Variants in DCC observed in about 807,000 individuals in gnomAD.
DCC encodes the protein DCC netrin 1 receptor.
Under a neutral mutation model 172.5 loss-of-function variants are expected in DCC, and 58 were observed. The observed-to-expected ratio is 0.34, with a 90% CI of 0.27 to 0.42. The LOEUF (loss-of-function observed/expected upper bound fraction) is 0.42. DCC is among the 10% of genes least tolerant of loss of function. DCC has a pLI of 1.00. For synonymous variants in DCC, 709 were observed against 644.5 expected (o/e 1.10, Z -1.52); for missense variants, 1,740 against 1,791.0 (o/e 0.97, Z 0.51).
At chr18:53,408,097 C>T (rs1387364236) in intron 19 of DCC, among the ~76,000 whole-genome samples, 1 of 152,110 alleles carries the variant, frequency 6.6e-6, no homozygotes, top group African/African-American at 2.4e-5. Context: ...ATGTACAGAT[C>T]CCACATATCC....
chr18:53,374,983 T>C (rs2058094991), intron 15 of DCC, among the ~76,000 whole-genome samples: 1 of 152,212 alleles, frequency 6.6e-6, no homozygotes, highest in Admixed American at 6.5e-5. Flanking sequence ...TACTCAGTGT[T>C]TATCCTGCAG....
chr18:53,419,851 A>AT (rs1296028930), intron 21 of DCC, among the ~76,000 whole-genome samples: 2 of 151,174 alleles, frequency 1.3e-5, no homozygotes, highest in African/African-American at 4.9e-5. Flanking sequence ...TTCTATTTTT[A>AT]TTTATTTTTT....
chr18:52,783,815 A>G (rs953546394), intron 2 of DCC, among the ~76,000 whole-genome samples: 7 of 151,976 alleles, frequency 4.6e-5, no homozygotes, highest in African/African-American at 1.7e-4. Context: ...TCATAAATTG[A>G]TGCATAATGA....
intron 1 of DCC, among the ~76,000 whole-genome samples, chr18:52,709,644 T>C (rs2145052300): frequency 6.6e-6 from 1 of 152,314 alleles, no homozygotes; most frequent in East Asian, 1.9e-4. Context: ...CTATTTTATT[T>C]TGAAATCTCC....
At chr18:52,567,213 G>C (rs2033180280) in intron 1 of DCC, among the ~76,000 whole-genome samples, 1 of 151,996 alleles carries the variant, frequency 6.6e-6, no homozygotes, top group South Asian at 2.1e-4. Context: ...TATATACCTA[G>C]AAATATTTTA....
chr18:53,042,361 G>A (rs1180237626), intron 5 of DCC, among the ~76,000 whole-genome samples: 1 of 151,986 alleles, frequency 6.6e-6, no homozygotes. Flanking sequence ...AATTCAACTT[G>A]ATCATGGTGG....
intron 1 of DCC, among the ~76,000 whole-genome samples, chr18:52,596,116 G>A (rs2033905619): frequency 6.6e-6 from 1 of 152,108 alleles, no homozygotes; most frequent in African/African-American, 2.4e-5. Context: ...AATCTTTATG[G>A]AATAGATCTG....
chr18:52,984,040 A>C (rs2041253143), intron 5 of DCC, among the ~76,000 whole-genome samples: 1 of 152,124 alleles, frequency 6.6e-6, no homozygotes, highest in South Asian at 2.1e-4. Context: ...CAAATACACA[A>C]ATACTCAAAT....
chr18:52,707,330 A>T (rs72914278), intron 1 of DCC, among the ~76,000 whole-genome samples: 2,288 of 152,280 alleles, frequency 0.015, 32 homozygotes, highest in Non-Finnish European at 0.023. Flanking sequence ...CTTCTTTTTC[A>T]TTATACCTTT....
At chr18:53,241,716 G>A (rs1027295408) in intron 12 of DCC, among the ~76,000 whole-genome samples, 11 of 152,152 alleles carry the variant, frequency 7.2e-5, no homozygotes, top group Admixed American at 1.3e-4. Context: ...CAGCCAGGGC[G>A]AATGAGTCCT....
chr18:53,492,532 A>T (rs1446263822), intron 26 of DCC, among the ~76,000 whole-genome samples: 1 of 152,194 alleles, frequency 6.6e-6, no homozygotes, highest in Non-Finnish European at 1.5e-5. Flanking sequence ...ATGGCTAGCC[A>T]GTTTTCCCAA....
chr18:52,761,166 A>G (rs914350178), intron 2 of DCC, among the ~76,000 whole-genome samples: 1 of 152,186 alleles, frequency 6.6e-6, no homozygotes, highest in African/African-American at 2.4e-5. Flanking sequence ...AGCAAGTCAC[A>G]TCTTACATGG....
chr18:52,910,753 T>C (rs895782519), intron 3 of DCC, among the ~76,000 whole-genome samples: 4 of 152,180 alleles, frequency 2.6e-5, no homozygotes, highest in Non-Finnish European at 4.4e-5. Context: ...CTAATTGAAT[T>C]GATCAATTGG....
At chr18:52,719,342 A>T (rs1473458627) in intron 1 of DCC, among the ~76,000 whole-genome samples, 1 of 152,150 alleles carries the variant, frequency 6.6e-6, no homozygotes, top group Non-Finnish European at 1.5e-5. Flanking sequence ...AGAAAAAGAA[A>T]AAAAATCAAC....
chr18:53,063,272 C>T (rs1339509760), intron 5 of DCC, 33 bp from the exon 6 acceptor site: 1 of 1,609,598 alleles, frequency 6.2e-7, no homozygotes, highest in African/African-American at 1.3e-5. Context: ...CATCCCCACC[C>T]ACTCACTCAC....
chr18:53,396,416 T>C (rs1405815090), intron 17 of DCC, among the ~76,000 whole-genome samples: 1 of 152,200 alleles, frequency 6.6e-6, no homozygotes, highest in Non-Finnish European at 1.5e-5. Context: ...TATAATTTAC[T>C]TTCTACTAAA....
chr18:52,973,236 G>A (rs1006927570), intron 5 of DCC, among the ~76,000 whole-genome samples: 2 of 152,066 alleles, frequency 1.3e-5, no homozygotes, highest in African/African-American at 4.8e-5. Flanking sequence ...AAATTGACAA[G>A]TATTCATGTT....
At chr18:52,649,973 A>ATTTTTTT (rs71175512) in intron 1 of DCC, among the ~76,000 whole-genome samples, 10 of 106,892 alleles carry the variant, frequency 9.4e-5, no homozygotes, top group Non-Finnish European at 1.5e-4. Context: ...TGATAGTTCT[A>ATTTTTTT]TTTTTTTTTT....
chr18:52,774,302 C>G (rs1428971075), intron 2 of DCC, among the ~76,000 whole-genome samples: 1 of 152,142 alleles, frequency 6.6e-6, no homozygotes, highest in Non-Finnish European at 1.5e-5. Context: ...TGGTTTAGAC[C>G]AGGCCCAGTT....
Sources: allele counts gnomAD v4.1 joint callset (sites outside exome capture counted in the v4.1 genomes callset), GRCh38; gene constraint gnomAD v4.1.1; transcripts MANE v1.5; gene names NCBI Gene and HGNC (gene_info 2026-07-23, HGNC 2026-07-21).